PARP4: variants seen among roughly 807,000 people sequenced by gnomAD.
The protein encoded by PARP4 is protein mono-ADP-ribosyltransferase PARP4.
In PARP4, 120 loss-of-function variants were observed where a neutral mutation model predicts 187.7. The observed-to-expected ratio is 0.64, with a 90% CI of 0.55 to 0.74. The LOEUF is 0.74. PARP4 is among the 30% of genes least tolerant of loss of function. PARP4 has a pLI of 0.00. For synonymous variants in PARP4, 654 were observed against 740.9 expected (o/e 0.88, Z 1.90); for missense variants, 1,836 against 2,070.5 (o/e 0.89, Z 2.20).
At chr13:24,452,374 C>A in intron 24 of PARP4, 32 bp downstream of exon 24, 1 of 1,583,560 alleles carries the variant, frequency 6.3e-7, no homozygotes, top group Non-Finnish European at 8.6e-7. Context: ...CCCCGTGGGT[C>A]TGGACTATGT....
chr13:24,438,650 C>T (rs1340768025), intron 30 of PARP4, among the ~76,000 whole-genome samples: 1 of 152,208 alleles, frequency 6.6e-6, no homozygotes, highest in African/African-American at 2.4e-5. Context: ...AGACACTGCG[C>T]CTAAGCCCAG....
intron 22 of PARP4, among the ~76,000 whole-genome samples, chr13:24,454,429 C>T (rs73460725): frequency 0.054 from 8,171 of 152,246 alleles, 713 homozygotes; most frequent in African/African-American, 0.18. Context: ...CTCCACTCCA[C>T]GCACCTCTCA....
At chr13:24,474,874 C>G (rs536633070) in intron 15 of PARP4, among the ~76,000 whole-genome samples, 356 of 152,160 alleles carry the variant, frequency 2.3e-3, no homozygotes, top group African/African-American at 8.0e-3. Flanking sequence ...GTGAGAGCCC[C>G]TCACCTCTCT....
chr13:24,478,024 G>A (rs1873074504), intron 13 of PARP4, 69 bp downstream of exon 13: 3 of 1,239,524 alleles, frequency 2.4e-6, no homozygotes, highest in Non-Finnish European at 2.2e-6. Context: ...ATGAAAATAG[G>A]AGCAAAAAAC....
intron 8 of PARP4, 130 bp from the exon 9 acceptor site, chr13:24,492,724 A>T (rs962168722): frequency 2.7e-6 from 2 of 742,522 alleles, no homozygotes; most frequent in African/African-American, 3.6e-5. Flanking sequence ...GCCTTCACAA[A>T]GCAAATGCTG....
At chr13:24,442,545 A>T (rs1186045960) in intron 29 of PARP4, 45 bp downstream of exon 29, 1 of 1,155,792 alleles carries the variant, frequency 8.7e-7, no homozygotes, top group South Asian at 1.3e-5. Flanking sequence ...TTAATGTGGA[A>T]ATACAAATAA....
intron 1 of PARP4, among the ~76,000 whole-genome samples, chr13:24,505,407 C>A (rs1305091492): frequency 1.3e-5 from 2 of 151,818 alleles, no homozygotes; most frequent in Non-Finnish European, 2.9e-5. Flanking sequence ...AGGGTTCTGG[C>A]CCTTATTCAG....
At chr13:24,436,757 C>A (rs1280451908) in intron 30 of PARP4, among the ~76,000 whole-genome samples, 17 of 152,026 alleles carry the variant, frequency 1.1e-4, no homozygotes, top group Non-Finnish European at 2.2e-4. Context: ...GTATAAAATC[C>A]AGTTTTATAT....
intron 4 of PARP4, 45 bp downstream of exon 4, chr13:24,500,271 T>A: frequency 8.6e-7 from 1 of 1,165,914 alleles, no homozygotes; most frequent in African/African-American, 1.6e-5. Flanking sequence ...ACACAAGATT[T>A]TACAAACTCT....
Position 24,474,948 on chromosome 13 carries a change from C to T in PARP4, c.1914+524G>A, listed in dbSNP as rs144756810. 6.9e-3 allele frequency among the ~76,000 whole-genome samples: 1,053 copies of T among 152,266 alleles called. 8 individuals carry two copies. Among genetic ancestry groups the T allele is most frequent in the African/African-American group, 0.024 (989 of 41,552 alleles). On this transcript the variant is annotated intron_variant, in intron 15 of 33. Transcript: ENST00000381989. ...GCAGCCACAGTGCATCTCCTTGGCG[C>T]GCCTGGGCCAGATCAGCCTCCTTCC...
intron 17 of PARP4, among the ~76,000 whole-genome samples, 200 bp from the exon 18 acceptor site, chr13:24,460,336 T>C (rs1427659035): frequency 6.6e-6 from 1 of 152,202 alleles, no homozygotes; most frequent in South Asian, 2.1e-4. Flanking sequence ...AACAGGGTGA[T>C]GTCCGTGGCA....
At chr13:24,490,874 A>G (rs1311629113) in intron 9 of PARP4, 46 bp from the exon 10 acceptor site, 3 of 1,465,312 alleles carry the variant, frequency 2.0e-6, no homozygotes, top group African/African-American at 2.8e-5. Flanking sequence ...CCACATATCA[A>G]AATTAATATT....
chr13:24,491,951 TAA>T (rs1868677530), intron 9 of PARP4, among the ~76,000 whole-genome samples: 1 of 152,138 alleles, frequency 6.6e-6, no homozygotes, highest in Non-Finnish European at 1.5e-5. Context: ...GAAGCCAGGC[TAA>T]GAGCAGAGCC....
intron 27 of PARP4, among the ~76,000 whole-genome samples, chr13:24,445,615 T>C (rs1385188229): frequency 6.6e-6 from 1 of 152,258 alleles, no homozygotes; most frequent in Admixed American, 6.5e-5. Flanking sequence ...TTCTGGGCCT[T>C]ACCCTGTATA....
In PARP4 at chr13:24,484,789, G is replaced by A. The variant is rs1277576117; in HGVS notation, c.1353-41C>T. 3.9e-6 allele frequency: 5 copies of A among 1,276,756 alleles called. No individual in the cohort carries two copies. The East Asian group carries it at 6.9e-5, about 18-fold the overall frequency. The allele number at this position is 1,276,756 out of a possible 1,614,324, so 79.1% of individuals were successfully genotyped here. A position where few individuals can be genotyped will look rare whatever the true frequency, so the allele number is the denominator to read the frequency against. On this transcript the variant is annotated intron_variant, in intron 11 of 33. Transcript: ENST00000381989. ...CAGGATAAGGTGTAAGCCCAACACT[G>A]ACTGCATCTCTTCCTTGCTCAGAAT...
chr13:24,467,135 A>G (rs1190485080), intron 17 of PARP4, among the ~76,000 whole-genome samples: 1 of 152,202 alleles, frequency 6.6e-6, no homozygotes, highest in Non-Finnish European at 1.5e-5. Flanking sequence ...GGTCACATAA[A>G]TTGAAGTCTT....
At chr13:24,472,165 A>T (rs1368086872) in intron 15 of PARP4, among the ~76,000 whole-genome samples, 3 of 111,020 alleles carry the variant, frequency 2.7e-5, no homozygotes, top group Non-Finnish European at 6.2e-5. Flanking sequence ...GGGCATAATT[A>T]TAGCACTTGG....
chr13:24,460,098 C>T lies in PARP4; in HGVS notation c.2172G>A (p.Lys724=). 1 of 1,613,846 alleles carries T rather than the reference C, an allele frequency of 6.2e-7. No homozygotes were observed. The highest frequency in any genetic ancestry group is 1.1e-5 in the South Asian group (1 of 91,022). ...FTVSVGNLPP[K]AKVLIKITYI... ...AGGTAATTTTTATAAGAACCTTAGC[C>T]TTAGGGGGTAAGTTTCCAACACTTA... Residue 724 remains lysine, a synonymous_variant, in exon 18 of 34, where the codon AAG becomes AAA. Coordinates refer to ENST00000381989, the MANE Select transcript of PARP4 (RefSeq NM_006437.4).
rs1868788558 is a variant in PARP4 at position 24,493,644 on chromosome 13, G to A, written c.831C>T (p.His277=). 6.2e-7 allele frequency: 1 copy of A among 1,613,996 alleles called. No homozygotes were observed. The highest frequency in any genetic ancestry group is 8.5e-7 in the Non-Finnish European group (1 of 1,179,964). Residue 277 remains histidine, a synonymous_variant, in exon 8 of 34, where the codon CAC becomes CAT. Transcript: ENST00000381989. ...CTGGCTTGAGAAGCATGTGTTCCAG[G>A]TGGCCCAGGGCCTCTGCCCAAATCA... The part of the protein sequence containing the change: ...VEMIWAEALG[H]LEHMLLKPVN...
Sources: allele counts gnomAD v4.1 joint callset (sites outside exome capture counted in the v4.1 genomes callset), GRCh38; gene constraint gnomAD v4.1.1; transcripts MANE v1.5; gene names NCBI Gene and HGNC (gene_info 2026-07-23, HGNC 2026-07-21).